Variants in MLLT3 observed in about 807,000 individuals in gnomAD.
MLLT3 encodes protein AF-9.
In MLLT3, 4 loss-of-function variants were observed where a neutral mutation model predicts 53.2. That is an observed-to-expected ratio of 0.08 (90% confidence interval 0.04 to 0.17). The LOEUF (loss-of-function observed/expected upper bound fraction) is 0.17, where lower values mean the gene tolerates loss of function less well. Ranked by LOEUF, MLLT3 falls within the 10% of genes least tolerant of loss-of-function variation. The pLI is 1.00. For synonymous variants in MLLT3, 283 were observed against 230.6 expected (o/e 1.23, Z -2.06); for missense variants, 569 against 684.0 (o/e 0.83, Z 1.87).
At position 20,346,007 on chromosome 9, in the gene MLLT3, A is replaced by C. The variant is rs1820856376; in HGVS notation, c.*436T>G. On this transcript the variant is annotated 3_prime_UTR_variant, in exon 11 of 11. Transcript: ENST00000380338. ...AATGTCTGATGGTGTCATTCCCTCA[A>C]CGACTTAGAATATCTGTATGCGATA... The C allele has an allele frequency of 4.3e-6, 1 of 235,284 alleles. No individual in the cohort carries two copies. Among genetic ancestry groups the C allele is most frequent in the African/African-American group, 2.2e-5 (1 of 45,204 alleles). 14.6% of individuals were successfully genotyped at this position (235,284 alleles called of 1,614,324 possible). A position where few individuals can be genotyped will look rare whatever the true frequency, so the allele number is the denominator to read the frequency against.
chr9:20,586,138 G>A (rs567228183), intron 2 of MLLT3, among the ~76,000 whole-genome samples: 5 of 152,146 alleles, frequency 3.3e-5, no homozygotes, highest in South Asian at 2.1e-4. Flanking sequence ...GCAACATAGC[G>A]AGGCTTCATC....
In MLLT3 at chr9:20,342,834, G is replaced by GTGTATATATATATATATATA. The variant is rs1554673228; in HGVS notation, c.*3608_*3609insTATATATATATATATATACA. On this transcript the variant is annotated 3_prime_UTR_variant, in exon 11 of 11. Transcript: ENST00000380338. ...AAGATTACTCTGATAATATATATGTGTATATATATATATATATGTATATAT... is the reference window on the plus strand; with the variant it reads ...AAGATTACTCTGATAATATATATGTGTGTATATATATATATATATATATATATATATATATATGTATATAT... 1.2e-5 allele frequency: 2 copies of GTGTATATATATATATATATA among 164,276 alleles called. No individual in the cohort carries two copies. Among genetic ancestry groups the GTGTATATATATATATATATA allele is most frequent in the African/African-American group, 5.0e-5 (2 of 40,150 alleles). 10.2% of individuals were successfully genotyped at this position (164,276 alleles called of 1,614,324 possible). A position where few individuals can be genotyped will look rare whatever the true frequency, so the allele number is the denominator to read the frequency against.
intron 4 of MLLT3, among the ~76,000 whole-genome samples, chr9:20,433,749 C>T (rs372904239): frequency 2.0e-5 from 3 of 152,064 alleles, no homozygotes; most frequent in East Asian, 1.9e-4. Flanking sequence ...GGAACTCTTT[C>T]CAGTTGATGG....
intron 4 of MLLT3, among the ~76,000 whole-genome samples, chr9:20,447,864 T>A (rs1004408246): frequency 6.6e-6 from 1 of 152,182 alleles, no homozygotes; most frequent in African/African-American, 2.4e-5. Context: ...GGTTTTGTCA[T>A]AATTAAATTT....
chr9:20,346,603 G>A, intron 10 of MLLT3, 29 bp from the exon 11 acceptor site: 2 of 1,601,512 alleles, frequency 1.2e-6, no homozygotes, highest in South Asian at 1.1e-5. Context: ...GAAAGTTTGG[G>A]CAATACGCAG....
intron 10 of MLLT3, among the ~76,000 whole-genome samples, chr9:20,349,410 A>G (rs1820955364): frequency 6.6e-6 from 1 of 152,166 alleles, no homozygotes; most frequent in Non-Finnish European, 1.5e-5. Context: ...ACTAAACTGC[A>G]CATGAATTAT....
At chr9:20,509,306 T>C (rs1044151050) in intron 2 of MLLT3, among the ~76,000 whole-genome samples, 2 of 152,340 alleles carry the variant, frequency 1.3e-5, no homozygotes, top group Middle Eastern at 3.4e-3. Context: ...ATGGACAGTA[T>C]ACTCATTAAA....
intron 10 of MLLT3, among the ~76,000 whole-genome samples, chr9:20,350,244 T>C (rs1375431808): frequency 6.6e-6 from 1 of 152,178 alleles, no homozygotes; most frequent in African/African-American, 2.4e-5. Flanking sequence ...TGCATCATAG[T>C]GCAATAATTA....
At chr9:20,516,346 C>T (rs997889440) in intron 2 of MLLT3, among the ~76,000 whole-genome samples, 9 of 152,174 alleles carry the variant, frequency 5.9e-5, no homozygotes, top group Non-Finnish European at 8.8e-5. Context: ...AAGCACAACA[C>T]TCTACATGTA....
At chr9:20,535,755 C>T (rs540011795) in intron 2 of MLLT3, among the ~76,000 whole-genome samples, 48 of 152,234 alleles carry the variant, frequency 3.2e-4, no homozygotes, top group African/African-American at 1.1e-3. Flanking sequence ...ATTAGCTGAT[C>T]CTCTCAACTC....
At chr9:20,444,668 T>C (rs947172221) in intron 4 of MLLT3, among the ~76,000 whole-genome samples, 2 of 151,188 alleles carry the variant, frequency 1.3e-5, no homozygotes, top group Non-Finnish European at 2.9e-5. Context: ...AGCTCAGGAG[T>C]TCAAGATCAG....
intron 2 of MLLT3, among the ~76,000 whole-genome samples, chr9:20,564,398 T>C (rs1819295748): frequency 6.6e-6 from 1 of 150,520 alleles, no homozygotes; most frequent in Admixed American, 6.9e-5. Context: ...GAAGAATGAA[T>C]CTCTGGAAAT....
chr9:20,467,844 T>C (rs1824273750), intron 2 of MLLT3, among the ~76,000 whole-genome samples: 1 of 152,212 alleles, frequency 6.6e-6, no homozygotes, highest in Non-Finnish European at 1.5e-5. Flanking sequence ...GTAGGAATTA[T>C]CATGTATGCT....
chr9:20,538,498 C>G (rs1201009559), intron 2 of MLLT3, among the ~76,000 whole-genome samples: 2 of 152,174 alleles, frequency 1.3e-5, no homozygotes, highest in Non-Finnish European at 2.9e-5. Context: ...TCAGGAATAC[C>G]TGAGAAGGCA....
At chr9:20,371,913 AT>A (rs969823060) in intron 5 of MLLT3, among the ~76,000 whole-genome samples, 1 of 152,242 alleles carries the variant, frequency 6.6e-6, no homozygotes, top group African/African-American at 2.4e-5. Context: ...TCTAGATGCC[AT>A]TATGAACATT....
intron 2 of MLLT3, among the ~76,000 whole-genome samples, chr9:20,472,882 A>C (rs1824429748): frequency 6.6e-6 from 1 of 150,600 alleles, no homozygotes; most frequent in Non-Finnish European, 1.5e-5. Context: ...CTTTCCATTT[A>C]TTTCTTTTTA....
At chr9:20,437,157 G>A (rs927397905) in intron 4 of MLLT3, among the ~76,000 whole-genome samples, 10 of 152,058 alleles carry the variant, frequency 6.6e-5, no homozygotes, top group Non-Finnish European at 2.9e-5. Flanking sequence ...AAATTGAGCA[G>A]TGAGAAAGTT....
At chr9:20,525,428 G>A (rs1348731375) in intron 2 of MLLT3, among the ~76,000 whole-genome samples, 7 of 152,254 alleles carry the variant, frequency 4.6e-5, no homozygotes, top group African/African-American at 1.2e-4. Flanking sequence ...CCCGGAAGGC[G>A]GAGGTTACAG....
intron 2 of MLLT3, among the ~76,000 whole-genome samples, chr9:20,539,297 A>ACATAAACTATTAC (rs1413914704): frequency 6.6e-6 from 1 of 152,238 alleles, no homozygotes; most frequent in African/African-American, 2.4e-5. Context: ...CAATATTCTA[A>ACATAAACTATTAC]AACATTTGTT....
Sources: gnomAD v4.1 joint callset for allele counts (sites outside exome capture counted in the v4.1 genomes callset) on GRCh38, gnomAD v4.1.1 for gene constraint, MANE v1.5 for transcripts, NCBI Gene and HGNC (gene_info 2026-07-23, HGNC 2026-07-21) for gene names.